The following NAV1 variants were observed in gnomAD, a reference collection of about 807,000 sequenced individuals.
NAV1 encodes pore membrane and/or filament interacting like protein 3.
Under a neutral mutation model 175.2 loss-of-function variants are expected in NAV1, and 18 were observed. That is an observed-to-expected ratio of 0.10 (90% confidence interval 0.07 to 0.15). The LOEUF is 0.15. Among genes scored for constraint, NAV1 ranks in the 10% least tolerant of loss-of-function variants. NAV1 has a pLI of 1.00. For synonymous variants in NAV1, 897 were observed against 978.7 expected, an observed-to-expected ratio of 0.92 and a Z score of 1.56; for missense variants, 1,731 against 2,436.6, an observed-to-expected ratio of 0.71 and a Z score of 6.10.
At chr1:201,606,330 G>A (rs1667675383) in intron 2 of NAV1, among the ~76,000 whole-genome samples, 1 of 152,222 alleles carries the variant, frequency 6.6e-6, no homozygotes, top group South Asian at 2.1e-4. Context: ...GTTCAAGGTA[G>A]ACAGTGCATG....
chr1:201,625,223 G>A (rs1030666141), intron 1 of NAV1, among the ~76,000 whole-genome samples: 1 of 152,216 alleles, frequency 6.6e-6, no homozygotes. Flanking sequence ...TGGAAAGGAA[G>A]GCTTAGAGAG....
chr1:201,701,724 AC>A (rs1197293924), intron 1 of NAV1, among the ~76,000 whole-genome samples: 1 of 152,238 alleles, frequency 6.6e-6, no homozygotes, highest in African/African-American at 2.4e-5. Context: ...TCAAAAAGAG[AC>A]AATGACAAGT....
At chr1:201,544,014 G>GAACT (rs1387276823) in intron 1 of NAV1, among the ~76,000 whole-genome samples, 1 of 152,242 alleles carries the variant, frequency 6.6e-6, no homozygotes, top group African/African-American at 2.4e-5. Flanking sequence ...ATGCAGAGAT[G>GAACT]AACTGATTGC....
Position 201,672,863 on chromosome 1 carries a change from C to T in NAV1, c.757+23438C>T, listed in dbSNP as rs78281203. Among the ~76,000 whole-genome samples the T allele has an allele frequency of 9.5e-3, 1,453 of 152,276 alleles. 9 individuals carry two copies. Among genetic ancestry groups the T allele is most frequent in the Non-Finnish European group, 0.015 (994 of 68,014 alleles). On this transcript the variant is annotated intron_variant, in intron 1 of 29. Coordinates refer to ENST00000367296, the Ensembl canonical transcript of NAV1. The stretch of plus-strand genomic sequence containing the variant: ...GACTGGGCTCTGAGAACTTACCGCC[C>T]AACAGACGCTCAAGCTCGACTGCCC...
chr1:201,588,901 G>A (rs551179222), intron 2 of NAV1, among the ~76,000 whole-genome samples: 3 of 152,136 alleles, frequency 2.0e-5, no homozygotes, highest in South Asian at 4.2e-4. Flanking sequence ...AGGCTGGAGT[G>A]CAGTGGCATG....
intron 3 of NAV1, among the ~76,000 whole-genome samples, chr1:201,751,898 T>C (rs146775065): frequency 1.3e-5 from 2 of 152,374 alleles, no homozygotes; most frequent in African/African-American, 2.4e-5. Flanking sequence ...TGTTTAAGAA[T>C]TAAGATTCCT....
At chr1:201,751,470 T>C (rs1305464311) in intron 3 of NAV1, among the ~76,000 whole-genome samples, 1 of 152,144 alleles carries the variant, frequency 6.6e-6, no homozygotes, top group Non-Finnish European at 1.5e-5. Context: ...AGGCACATAA[T>C]GGGTATGAGA....
chr1:201,799,700 A>G (rs1677720399), intron 15 of NAV1, among the ~76,000 whole-genome samples: 2 of 152,090 alleles, frequency 1.3e-5, no homozygotes, highest in African/African-American at 4.8e-5. Context: ...TCTCTACTAA[A>G]AATACAAAAA....
exon 1 of NAV1, chr1:201,648,878 C>T: frequency 6.2e-7 from 1 of 1,612,500 alleles, no homozygotes; most frequent in African/African-American, 1.3e-5. Context: ...TCAAGTCCGG[C>T]AGCGTGGACA....
chr1:201,621,624 G>T (rs1051804635), upstream of NAV1, among the ~76,000 whole-genome samples: 1 of 152,124 alleles, frequency 6.6e-6, no homozygotes, highest in Non-Finnish European at 1.5e-5. Context: ...GAGCCACTGC[G>T]CCCAGTCTGT....
intron 3 of NAV1, among the ~76,000 whole-genome samples, chr1:201,751,983 A>G (rs1674138285): frequency 6.6e-6 from 1 of 151,998 alleles, no homozygotes. Context: ...TGCATGGAAA[A>G]CTCACCCATA....
chr1:201,728,599 C>CAAAAAAAAAAA (rs1278753255), intron 3 of NAV1, among the ~76,000 whole-genome samples: 2 of 58,684 alleles, frequency 3.4e-5, no homozygotes, highest in African/African-American at 6.4e-5. Context: ...CATCGCAAAA[C>CAAAAAAAAAAA]AAAAAAAAAA....
chr1:201,727,936 GTC>G (rs1344458014), intron 3 of NAV1, among the ~76,000 whole-genome samples: 3 of 152,104 alleles, frequency 2.0e-5, no homozygotes, highest in Admixed American at 1.3e-4. Flanking sequence ...CTGAGTTCGA[GTC>G]ACAGGCGCCC....
rs114833497 is a variant in NAV1 at position 201,598,622 on chromosome 1, C to T, written c.-33+9973C>T. ...GGATGTGCTTCGCCTGGAATAGGAG[C>T]AGGGGGTGGAGCTGTGACCTTGGAC... is the stretch of plus-strand genomic sequence containing the variant. On this transcript the variant is annotated intron_variant, in intron 2 of 33. Transcript: ENST00000685211. 2.0e-3 allele frequency among the ~76,000 whole-genome samples: 306 copies of T among 152,330 alleles called. 1 individual carries two copies. Among genetic ancestry groups the T allele is most frequent in the African/African-American group, 7.2e-3 (299 of 41,572 alleles).
At chr1:201,794,358 C>T in intron 14 of NAV1, 108 bp from the exon 19 acceptor site, 1 of 1,010,530 alleles carries the variant, frequency 9.9e-7, no homozygotes, top group Admixed American at 1.9e-5. Context: ...CCAGGCTGGT[C>T]TTGAACTCCT....
intron 2 of NAV1, among the ~76,000 whole-genome samples, chr1:201,633,805 C>A (rs1668541646): frequency 6.6e-6 from 1 of 152,184 alleles, no homozygotes; most frequent in Admixed American, 6.5e-5. Context: ...AGTTCAGGGG[C>A]AGATGATATT....
At chr1:201,811,647 G>A in exon 25 of NAV1, 1 of 1,614,112 alleles carries the variant, frequency 6.2e-7, no homozygotes, top group Non-Finnish European at 8.5e-7. Context: ...AGATAGACCG[G>A]GAAACAGGAA....
At position 201,750,936 on chromosome 1, in the gene NAV1, A is replaced by G. The variant is rs1228860869; in HGVS notation, c.1227-29485A>G. On this transcript the variant is annotated intron_variant, in intron 3 of 29. Transcript: ENST00000367296. The surrounding 1 kb of genome is among the most constrained non-coding windows in gnomAD (Gnocchi z 4.1). Reference sequence around the variant, plus strand: ...TCTATTGCCTGAAGGCATCTCCTCTAGAAACAAAACCAGTTTGATTTTGAT... The same window carrying G: ...TCTATTGCCTGAAGGCATCTCCTCTGGAAACAAAACCAGTTTGATTTTGAT... Among the ~76,000 whole-genome samples, 1 of 152,186 alleles carries G rather than the reference A, an allele frequency of 6.6e-6. No individual in the cohort carries two copies. Among genetic ancestry groups the G allele is most frequent in the African/African-American group, 2.4e-5 (1 of 41,454 alleles).
intron 3 of NAV1, among the ~76,000 whole-genome samples, chr1:201,749,073 G>A (rs189606079): frequency 5.9e-5 from 9 of 152,172 alleles, no homozygotes; most frequent in East Asian, 3.9e-4. Flanking sequence ...GCTTGAAACC[G>A]GGAGGCGGAG....
Sources: allele counts gnomAD v4.1 joint callset (sites outside exome capture counted in the v4.1 genomes callset), GRCh38; gene constraint gnomAD v4.1.1; non-coding constraint Gnocchi (gnomAD v3.1); transcripts MANE v1.5; gene names NCBI Gene and HGNC (gene_info 2026-07-23, HGNC 2026-07-21).